CCR3: variants seen among roughly 807,000 people sequenced by gnomAD.
The protein encoded by CCR3 is C-C motif chemokine receptor 3, also known as C-C chemokine receptor type 3.
For synonymous variants in CCR3, 203 were observed against 179.2 expected (o/e 1.13, Z -1.06); for missense variants, 419 against 437.5 (o/e 0.96, Z 0.38).
At chr3:46,248,606 G>C (rs1700245550) in intron 1 of CCR3, among the ~76,000 whole-genome samples, 1 of 152,166 alleles carries the variant, frequency 6.6e-6, no homozygotes, top group African/African-American at 2.4e-5. Context: ...TGAGAATTAT[G>C]CCGAGATAGG....
chr3:46,221,072 G>T (rs1272486919), intron 2 of CCR3, among the ~76,000 whole-genome samples: 1 of 152,186 alleles, frequency 6.6e-6, no homozygotes, highest in Admixed American at 6.5e-5. Flanking sequence ...TGTTATTATG[G>T]TTACCTAAAC....
At chr3:46,229,538 G>A (rs1395488122) in intron 2 of CCR3, among the ~76,000 whole-genome samples, 1 of 152,142 alleles carries the variant, frequency 6.6e-6, no homozygotes, top group Non-Finnish European at 1.5e-5. Flanking sequence ...GGACTGGAAA[G>A]CCATGGTTGT....
intron 1 of CCR3, among the ~76,000 whole-genome samples, chr3:46,246,813 G>C (rs1700199627): frequency 6.6e-6 from 1 of 152,118 alleles, no homozygotes; most frequent in Admixed American, 6.5e-5. Context: ...GTGGTATGGA[G>C]AGAGAATGGG....
chr3:46,261,072 C>A (rs1202600399), intron 1 of CCR3, among the ~76,000 whole-genome samples: 1 of 152,128 alleles, frequency 6.6e-6, no homozygotes, highest in Middle Eastern at 3.2e-3. Context: ...GTTGAAATAA[C>A]CTTTAAATAA....
intron 2 of CCR3, among the ~76,000 whole-genome samples, chr3:46,229,547 G>T (rs947463935): frequency 5.3e-5 from 8 of 152,176 alleles, no homozygotes; most frequent in African/African-American, 1.9e-4. Flanking sequence ...AGCCATGGTT[G>T]TCTGGAGTTG....
intron 1 of CCR3, among the ~76,000 whole-genome samples, chr3:46,260,993 TCA>T (rs1275123523): frequency 6.6e-6 from 1 of 152,206 alleles, no homozygotes; most frequent in Non-Finnish European, 1.5e-5. Context: ...ATTCTCTCTC[TCA>T]TTCTTTCTCT....
chr3:46,211,421 A>G (rs1391266392), intron 2 of CCR3, among the ~76,000 whole-genome samples: 1 of 151,272 alleles, frequency 6.6e-6, no homozygotes, highest in Non-Finnish European at 1.5e-5. Context: ...TGGGTGTGTT[A>G]TCATGTTGCC....
At chr3:46,234,204 C>G (rs1699998690) in intron 2 of CCR3, among the ~76,000 whole-genome samples, 1 of 152,176 alleles carries the variant, frequency 6.6e-6, no homozygotes, top group South Asian at 2.1e-4. Context: ...AGGTTTCAAA[C>G]AGATTCATCA....
At chr3:46,245,203 A>G (rs922263065) in intron 1 of CCR3, among the ~76,000 whole-genome samples, 2 of 151,996 alleles carry the variant, frequency 1.3e-5, no homozygotes, top group Non-Finnish European at 2.9e-5. Flanking sequence ...GTGGCTGGAA[A>G]GAAGACTGCA....
chr3:46,241,993 C>G (rs1700091469), upstream of CCR3, among the ~76,000 whole-genome samples: 1 of 152,006 alleles, frequency 6.6e-6, no homozygotes, highest in South Asian at 2.1e-4. Context: ...ATTAGCCAGG[C>G]ATGGTGGCAT....
upstream of CCR3, among the ~76,000 whole-genome samples, chr3:46,240,299 T>A (rs942046283): frequency 1.3e-5 from 2 of 152,172 alleles, no homozygotes; most frequent in Admixed American, 1.3e-4. Flanking sequence ...TGTGTATGTG[T>A]GTATATATAT....
intron 2 of CCR3, among the ~76,000 whole-genome samples, chr3:46,234,665 A>G (rs1438270411): frequency 1.3e-5 from 2 of 152,218 alleles, no homozygotes; most frequent in Non-Finnish European, 1.5e-5. Flanking sequence ...TGGAACACAC[A>G]GTAGAGTCAC....
intron 1 of CCR3, among the ~76,000 whole-genome samples, chr3:46,258,336 G>A (rs982939566): frequency 3.3e-5 from 5 of 152,074 alleles, no homozygotes; most frequent in South Asian, 4.1e-4. Flanking sequence ...ATGCAACTAC[G>A]GTGTGTACAA....
At chr3:46,243,238 A>G (rs942531073) in intron 1 of CCR3, among the ~76,000 whole-genome samples, 3 of 151,998 alleles carry the variant, frequency 2.0e-5, no homozygotes, top group African/African-American at 7.3e-5. Context: ...ATGTGGAGTC[A>G]ACATAGCACT....
intron 1 of CCR3, among the ~76,000 whole-genome samples, chr3:46,261,427 T>C (rs748331422): frequency 1.2e-4 from 18 of 152,262 alleles, no homozygotes; most frequent in Non-Finnish European, 2.5e-4. Context: ...AAAGGTGATA[T>C]TTCAAGCCCA....
chr3:46,263,843 C>A, intron 1 of CCR3: 1 of 153,454 alleles, frequency 6.5e-6, no homozygotes, highest in Non-Finnish European at 1.5e-5. Context: ...AGAACCCCAA[C>A]ATGTGGGGCC....
intron 1 of CCR3, among the ~76,000 whole-genome samples, chr3:46,245,848 C>G (rs902311242): frequency 2.4e-4 from 36 of 152,188 alleles, no homozygotes; most frequent in African/African-American, 8.4e-4. Flanking sequence ...ATAATAGCTT[C>G]TAGCTCCATC....
intron 1 of CCR3, among the ~76,000 whole-genome samples, chr3:46,254,489 T>TTA (rs1553645187): frequency 1.3e-5 from 2 of 151,440 alleles, no homozygotes; most frequent in Non-Finnish European, 2.9e-5. Flanking sequence ...AGTTCTTTTT[T>TTA]AAAAAAAAAT....
At chr3:46,220,293 A>C (rs920787142) in intron 2 of CCR3, among the ~76,000 whole-genome samples, 13 of 152,242 alleles carry the variant, frequency 8.5e-5, no homozygotes, top group African/African-American at 2.7e-4. Flanking sequence ...ATGCAATATC[A>C]TCTTACTCCT....
Sources: gnomAD v4.1 joint callset for allele counts (sites outside exome capture counted in the v4.1 genomes callset) on GRCh38, gnomAD v4.1.1 for gene constraint, MANE v1.5 for transcripts, NCBI Gene and HGNC (gene_info 2026-07-23, HGNC 2026-07-21) for gene names.